CAMK4: variants seen among roughly 807,000 people sequenced by gnomAD.
CAMK4 encodes the protein calcium/calmodulin dependent protein kinase IV.
In CAMK4, 22 loss-of-function variants were observed where a neutral mutation model predicts 44.9. The observed-to-expected ratio is 0.49, with a 90% CI of 0.35 to 0.70. CAMK4 has a LOEUF of 0.70. Ranked by LOEUF, CAMK4 falls within the 30% of genes least tolerant of loss-of-function variation. The pLI is 0.01. For synonymous variants in CAMK4, 218 were observed against 215.4 expected, an observed-to-expected ratio of 1.01 and a Z score of -0.11; for missense variants, 498 against 586.8, an observed-to-expected ratio of 0.85 and a Z score of 1.56.
chr5:111,313,081 G>A (rs1748277577), intron 1 of CAMK4, among the ~76,000 whole-genome samples: 1 of 152,092 alleles, frequency 6.6e-6, no homozygotes, highest in African/African-American at 2.4e-5. Context: ...AAATTGGGTA[G>A]GTCTCAACTT....
intron 1 of CAMK4, among the ~76,000 whole-genome samples, chr5:111,258,231 AC>A (rs563877718): frequency 2.0e-5 from 3 of 152,162 alleles, no homozygotes; most frequent in Non-Finnish European, 4.4e-5. Context: ...TCTTTTTTTA[AC>A]AGATTTAATG....
At chr5:111,279,022 G>A (rs1322618027) in intron 1 of CAMK4, among the ~76,000 whole-genome samples, 1 of 152,170 alleles carries the variant, frequency 6.6e-6, no homozygotes, top group African/African-American at 2.4e-5. Flanking sequence ...ATGGCTCAAG[G>A]GCGCCCCCTG....
intron 5 of CAMK4, among the ~76,000 whole-genome samples, chr5:111,401,016 C>T (rs770500864): frequency 4.6e-5 from 7 of 152,198 alleles, no homozygotes; most frequent in Middle Eastern, 3.2e-3. Context: ...CCCACTGATA[C>T]AGCCTTTCTT....
chr5:111,327,234 C>T (rs1287502095), intron 1 of CAMK4, among the ~76,000 whole-genome samples: 11 of 151,616 alleles, frequency 7.3e-5, no homozygotes, highest in African/African-American at 2.7e-4. Flanking sequence ...GTTCAATTCC[C>T]ACCTATGAGT....
At position 111,475,088 on chromosome 5, in the gene CAMK4, A is replaced by G. The variant is rs1376357022; in HGVS notation, c.701+1702A>G. Among the ~76,000 whole-genome samples the G allele has an allele frequency of 3.3e-5, 5 of 152,294 alleles. No individual in the cohort carries two copies. The East Asian group carries it at 9.6e-4, about 29-fold the overall frequency. On this transcript the variant is annotated intron_variant, in intron 8 of 10. Transcript: ENST00000282356. ...TGAGGCAGGAGAATGGCGTGAACCC[A>G]GGAGGCGGAGATTGCAGTGAGCTGA... is the stretch of plus-strand genomic sequence containing the variant.
chr5:111,291,841 G>T (rs1196044588), intron 1 of CAMK4, among the ~76,000 whole-genome samples: 2 of 152,068 alleles, frequency 1.3e-5, no homozygotes, highest in African/African-American at 4.8e-5. Flanking sequence ...TAGGGCATTT[G>T]CTTTCTTAGT....
chr5:111,486,588 G>A lies in CAMK4; in HGVS notation c.*2122G>A, dbSNP rs1315015156. 2.6e-5 allele frequency: 4 copies of A among 151,102 alleles called. No homozygotes were observed. The highest frequency in any genetic ancestry group is 7.3e-5 in the African/African-American group (3 of 40,954). 9.4% of individuals were successfully genotyped at this position (151,102 alleles called of 1,614,324 possible). A position where few individuals can be genotyped will look rare whatever the true frequency, so the allele number is the denominator to read the frequency against. On this transcript the variant is annotated 3_prime_UTR_variant, in exon 11 of 11. Transcript: ENST00000282356. ...GGGAAGGGGGTCTTTTTAGAAAGTGGCACTTGGCGCTTAGCTGAAAGATCA... is the reference window on the plus strand; with the variant it reads ...GGGAAGGGGGTCTTTTTAGAAAGTGACACTTGGCGCTTAGCTGAAAGATCA...
chr5:111,459,347 C>T (rs1754552220), intron 7 of CAMK4, among the ~76,000 whole-genome samples: 1 of 152,148 alleles, frequency 6.6e-6, no homozygotes, highest in Non-Finnish European at 1.5e-5. Context: ...AAGCTGTCGG[C>T]AATAGTAAGG....
chr5:111,363,373 A>G (rs1561440237), intron 2 of CAMK4, among the ~76,000 whole-genome samples: 1 of 152,100 alleles, frequency 6.6e-6, no homozygotes, highest in Admixed American at 6.6e-5. Context: ...TTTGTATTCA[A>G]TCACCAGCCT....
In CAMK4 at chr5:111,246,598, A is replaced by G. The variant is rs567710738; in HGVS notation, c.161+21954A>G. 5.3e-5 allele frequency among the ~76,000 whole-genome samples: 8 copies of G among 152,266 alleles called. No individual in the cohort carries two copies. The South Asian group carries it at 1.2e-3, about 24-fold the overall frequency. ...TACCAGCTTCCCTCATGGTAGCAAA[A>G]TGCAGCATTTAAGTCCTCCTACTGG... On this transcript the variant is annotated intron_variant, in intron 1 of 10. Transcript: ENST00000282356.
rs569692276 is a variant in CAMK4 at position 111,483,261 on chromosome 5, T to G, written c.981+324T>G. 1.8e-3 allele frequency among the ~76,000 whole-genome samples: 276 copies of G among 152,330 alleles called. 1 individual carries two copies. Among genetic ancestry groups the G allele is most frequent in the Non-Finnish European group, 3.1e-3 (210 of 68,024 alleles). On this transcript the variant is annotated intron_variant, in intron 10 of 10. Transcript: ENST00000282356. ...TTGTTCAGGGAAAACTGATATTTAT[T>G]CAGAAAGTTGTTTTCTTTCAGAATA...
chr5:111,226,918 C>G (rs932750272), intron 1 of CAMK4, among the ~76,000 whole-genome samples: 2 of 152,208 alleles, frequency 1.3e-5, no homozygotes, highest in Non-Finnish European at 2.9e-5. Context: ...TGGAGACCCT[C>G]TGTCTATACA....
At chr5:111,300,918 A>G (rs1561395342) in intron 1 of CAMK4, among the ~76,000 whole-genome samples, 1 of 152,218 alleles carries the variant, frequency 6.6e-6, no homozygotes, top group Non-Finnish European at 1.5e-5. Flanking sequence ...TTGTTTGAAA[A>G]CATCTCTCTG....
At chr5:111,357,031 T>C (rs552679600) in intron 2 of CAMK4, among the ~76,000 whole-genome samples, 99 of 152,172 alleles carry the variant, frequency 6.5e-4, no homozygotes, top group African/African-American at 2.2e-3. Context: ...TGAATTTACT[T>C]TGCTGGTATG....
rs543415153 is a variant in CAMK4, at chr5:111,256,960, G to A, written c.161+32316G>A. On this transcript the variant is annotated intron_variant, in intron 1 of 10. Transcript: ENST00000282356. ...AGACATGGCTTTTAAGCAGAAAATT[G>A]AAACTGGATCTTTTCTTTACACCTT... 7.9e-5 allele frequency among the ~76,000 whole-genome samples: 12 copies of A among 152,238 alleles called. No individual in the cohort carries two copies. The South Asian group carries it at 2.5e-3, about 32-fold the overall frequency.
chr5:111,416,075 A>G (rs1005240037), intron 5 of CAMK4, among the ~76,000 whole-genome samples: 1 of 152,336 alleles, frequency 6.6e-6, no homozygotes, highest in South Asian at 2.1e-4. Flanking sequence ...AGGCATCTAC[A>G]TGAATAGAGA....
rs114167905 is a variant in CAMK4 at position 111,349,103 on chromosome 5, C to T, written c.240+5001C>T. On this transcript the variant is annotated intron_variant, in intron 2 of 10. Transcript: ENST00000282356. ...GAAGTGCCTTTTGGGTTGTTTGTTT[C>T]CTTTTTTTCCACTTAGTATTAGTGA... Among the ~76,000 whole-genome samples, 388 of 152,088 alleles carry T rather than the reference C, an allele frequency of 2.6e-3. 4 individuals are homozygous for T. The highest frequency in any genetic ancestry group is 7.8e-3 in the African/African-American group (324 of 41,552).
At chr5:111,315,947 T>G (rs1748404454) in intron 1 of CAMK4, among the ~76,000 whole-genome samples, 1 of 152,112 alleles carries the variant, frequency 6.6e-6, no homozygotes, top group Non-Finnish European at 1.5e-5. Flanking sequence ...AAAGAGTTTA[T>G]CATTTTGTTT....
At chr5:111,473,275 A>T (rs1295728579) in intron 7 of CAMK4, 36 bp from the exon 8 acceptor site, 1 of 1,303,002 alleles carries the variant, frequency 7.7e-7, no homozygotes, top group Non-Finnish European at 1.1e-6. Context: ...ATATTGACTA[A>T]GCTCTAATTT....
Sources: gnomAD v4.1 joint callset for allele counts (sites outside exome capture counted in the v4.1 genomes callset) on GRCh38, gnomAD v4.1.1 for gene constraint, MANE v1.5 for transcripts, NCBI Gene and HGNC (gene_info 2026-07-23, HGNC 2026-07-21) for gene names.